The following PTPRT variants were observed in gnomAD, a reference collection of about 807,000 sequenced individuals.
The protein encoded by PTPRT is protein tyrosine phosphatase receptor type T, also known as receptor-type tyrosine-protein phosphatase T.
A neutral mutation model predicts 176.8 loss-of-function variants in PTPRT; 56 were observed. The ratio of observed to expected loss-of-function variants is 0.32; its 90% CI spans 0.26 to 0.40. PTPRT has a LOEUF of 0.40. Ranked by LOEUF, PTPRT falls within the 10% of genes least tolerant of loss-of-function variation. The pLI, the probability that PTPRT is intolerant of heterozygous loss-of-function variation, is 1.00. For synonymous variants in PTPRT, 783 were observed against 739.0 expected, an observed-to-expected ratio of 1.06 and a Z score of -0.96; for missense variants, 1,540 against 1,908.2, an observed-to-expected ratio of 0.81 and a Z score of 3.60.
intron 7 of PTPRT, among the ~76,000 whole-genome samples, chr20:42,537,268 A>G (rs764353350): frequency 6.6e-6 from 1 of 152,206 alleles, no homozygotes; most frequent in Non-Finnish European, 1.5e-5. Flanking sequence ...AACAGCCACG[A>G]GTTTAAATGG....
intron 7 of PTPRT, among the ~76,000 whole-genome samples, chr20:42,634,066 T>A (rs1205533014): frequency 1.0e-4 from 4 of 39,794 alleles, no homozygotes; most frequent in East Asian, 1.4e-3. Flanking sequence ...AAATATATAA[T>A]ATATATATAA....
chr20:42,392,851 CAA>C (rs1310387928), intron 9 of PTPRT, among the ~76,000 whole-genome samples: 2 of 152,098 alleles, frequency 1.3e-5, no homozygotes, highest in Non-Finnish European at 2.9e-5. Flanking sequence ...GCACCTAAAA[CAA>C]AAGACAGATT....
At chr20:42,376,183 C>G (rs1281393672) in intron 9 of PTPRT, among the ~76,000 whole-genome samples, 1 of 152,164 alleles carries the variant, frequency 6.6e-6, no homozygotes, top group African/African-American at 2.4e-5. Context: ...TGGAAACGCT[C>G]CACCCTGCAG....
At position 42,472,336 on chromosome 20, in the gene PTPRT, C is replaced by T. The variant is rs755558617; in HGVS notation, c.1380G>A (p.Leu460=). ...RGLRPFMTIR[L]RLLLSNPEGR... is the part of the protein sequence containing the mutation. ...CCTCGGGGTTAGACAGCAAGAGTCG[C>T]AGCCGGATGGTCATGAAGGGGCGCA... The change falls in exon 8 of 31, where the codon CTG becomes CTA. Residue 460 remains leucine, a synonymous_variant. Transcript: ENST00000373187. 29 of 1,614,222 alleles carry T rather than the reference C, an allele frequency of 1.8e-5. No individual in the cohort carries two copies. Among genetic ancestry groups the T allele is most frequent in the Middle Eastern group, 3.3e-4 (2 of 6,062 alleles).
chr20:43,004,304 A>C (rs570580847), intron 1 of PTPRT, among the ~76,000 whole-genome samples: 3 of 152,200 alleles, frequency 2.0e-5, no homozygotes, highest in Non-Finnish European at 2.9e-5. Flanking sequence ...TTCACAAAAG[A>C]AAAGCAAATG....
intron 1 of PTPRT, among the ~76,000 whole-genome samples, chr20:43,039,716 C>A (rs1434917128): frequency 6.6e-6 from 1 of 152,020 alleles, no homozygotes; most frequent in African/African-American, 2.4e-5. Flanking sequence ...ACTAATAGTT[C>A]TGGTGTCCAA....
intron 9 of PTPRT, among the ~76,000 whole-genome samples, chr20:42,432,210 C>A (rs1363366570): frequency 6.6e-6 from 1 of 152,194 alleles, no homozygotes; most frequent in Non-Finnish European, 1.5e-5. Context: ...ACTTGATACC[C>A]AGGAGCCTAT....
rs1172225253 is a variant in PTPRT at position 42,102,240 on chromosome 20, G to A, written c.3598C>T (p.Pro1200Ser). The A allele has an allele frequency of 1.2e-6, 2 of 1,614,058 alleles. No individual in the cohort carries two copies. The highest frequency in any genetic ancestry group is 2.7e-5 in the African/African-American group (2 of 74,928). ...CTTCGATTCTTATCATGGTTCCGGG[G>A]CAGGAGCCCAATGCTGCAGTCCTCG... ...RPEDCSIGLLPRNHDKNRSMD... is the reference protein window; with the variant it reads ...RPEDCSIGLLSRNHDKNRSMD... The change falls in exon 26 of 31, where the codon CCC becomes TCC. Residue 1200 changes from proline to serine, a missense_variant. Physicochemically the swap from Pro to Ser is moderately conservative, Grantham distance 74. Transcript: ENST00000373187.
At chr20:42,586,216 A>G (rs906371631) in intron 7 of PTPRT, among the ~76,000 whole-genome samples, 1 of 152,208 alleles carries the variant, frequency 6.6e-6, no homozygotes. Context: ...TGCATTATAA[A>G]TGCACAATAC....
intron 17 of PTPRT, 86 bp from the exon 18 acceptor site, chr20:42,142,088 C>G: frequency 1.8e-6 from 2 of 1,102,024 alleles, no homozygotes; most frequent in South Asian, 1.3e-5. Context: ...AAAGTAAGAC[C>G]CACTGCGATG....
At position 42,440,602 on chromosome 20, in the gene PTPRT, C is replaced by A. The variant is rs867745951; in HGVS notation, c.1560+7618G>T. On this transcript the variant is annotated intron_variant, in intron 9 of 30. Transcript: ENST00000373187. The stretch of plus-strand genomic sequence containing the variant: ...ACGCCATTCTCCTGCCTCAGCCTCC[C>A]GAGTAGCTGGGACTACAGGTGCCCG... 2.0e-5 allele frequency among the ~76,000 whole-genome samples: 3 copies of A among 151,912 alleles called. No homozygotes were observed. In the East Asian group the frequency reaches 5.9e-4, roughly 30 times the overall value.
At chr20:42,238,436 G>A (rs528652385) in intron 14 of PTPRT, among the ~76,000 whole-genome samples, 20 of 152,286 alleles carry the variant, frequency 1.3e-4, no homozygotes, top group Middle Eastern at 3.4e-3. Flanking sequence ...ACTGCAATGA[G>A]TGGGAATTGG....
At chr20:42,609,316 C>T (rs1465623011) in intron 7 of PTPRT, among the ~76,000 whole-genome samples, 7 of 152,082 alleles carry the variant, frequency 4.6e-5, no homozygotes, top group Non-Finnish European at 8.8e-5. Flanking sequence ...GCAAACGATC[C>T]GCCCGCCTCA....
intron 6 of PTPRT, among the ~76,000 whole-genome samples, chr20:42,718,273 C>T (rs1029646941): frequency 2.0e-5 from 3 of 152,228 alleles, no homozygotes; most frequent in African/African-American, 7.2e-5. Flanking sequence ...CACGGTGGCT[C>T]ACGCCTGTAA....
At chr20:42,398,353 T>A (rs1405987009) in intron 9 of PTPRT, among the ~76,000 whole-genome samples, 4 of 152,268 alleles carry the variant, frequency 2.6e-5, no homozygotes, top group Admixed American at 2.6e-4. Context: ...AAAATAATCA[T>A]TTACATGTGG....
At chr20:42,872,988 C>A (rs2078870730) in intron 2 of PTPRT, among the ~76,000 whole-genome samples, 1 of 152,106 alleles carries the variant, frequency 6.6e-6, no homozygotes, top group Non-Finnish European at 1.5e-5. Context: ...TGCCTGCAGC[C>A]CACACAGAAC....
At chr20:42,722,944 G>A (rs776229718) in intron 6 of PTPRT, among the ~76,000 whole-genome samples, 3 of 152,150 alleles carry the variant, frequency 2.0e-5, no homozygotes, top group Admixed American at 6.5e-5. Flanking sequence ...AACATTAGTG[G>A]ATGGAAAGCA....
At chr20:42,094,590 T>C (rs1383395353) in intron 27 of PTPRT, among the ~76,000 whole-genome samples, 1 of 151,940 alleles carries the variant, frequency 6.6e-6, no homozygotes, top group Non-Finnish European at 1.5e-5. Flanking sequence ...GCCCAGTTCA[T>C]TTAAAATTAT....
intron 1 of PTPRT, among the ~76,000 whole-genome samples, chr20:43,176,538 T>C (rs1033881025): frequency 1.3e-5 from 2 of 152,226 alleles, no homozygotes; most frequent in African/African-American, 4.8e-5. Context: ...AGCAACAGAA[T>C]ATCACGGACA....
Sources: gnomAD v4.1 joint callset for allele counts (sites outside exome capture counted in the v4.1 genomes callset) on GRCh38, gnomAD v4.1.1 for gene constraint, MANE v1.5 for transcripts, NCBI Gene and HGNC (gene_info 2026-07-23, HGNC 2026-07-21) for gene names.